The following NECAB1 variants were observed in gnomAD, a reference collection of about 807,000 sequenced individuals.
NECAB1 encodes the protein N-terminal EF-hand calcium-binding protein 1.
A neutral mutation model predicts 57.5 loss-of-function variants in NECAB1; 29 were observed. The observed-to-expected ratio is 0.50, with a 90% CI of 0.38 to 0.69. The LOEUF (loss-of-function observed/expected upper bound fraction) is 0.69. Among genes scored for constraint, NECAB1 ranks in the 30% least tolerant of loss-of-function variants. The pLI is 0.00. For synonymous variants in NECAB1, 142 were observed against 147.7 expected, an observed-to-expected ratio of 0.96 and a Z score of 0.28; for missense variants, 372 against 413.8, an observed-to-expected ratio of 0.90 and a Z score of 0.88.
chr8:90,869,328 C>A (rs988109339), intron 3 of NECAB1, among the ~76,000 whole-genome samples: 2 of 152,208 alleles, frequency 1.3e-5, no homozygotes, highest in Admixed American at 1.3e-4. Context: ...GCACTGCCTA[C>A]TAGAGTTGTG....
chr8:90,793,656 A>T (rs1008059411), intron 1 of NECAB1, among the ~76,000 whole-genome samples: 1 of 152,200 alleles, frequency 6.6e-6, no homozygotes, highest in Non-Finnish European at 1.5e-5. Context: ...TGAGGCTGAC[A>T]ATTAAGGGGC....
intron 8 of NECAB1, among the ~76,000 whole-genome samples, chr8:90,932,391 T>C (rs1259263611): frequency 1.3e-5 from 2 of 152,184 alleles, no homozygotes; most frequent in African/African-American, 4.8e-5. Flanking sequence ...AAGAATATCC[T>C]TGGTCTTTGA....
At chr8:90,928,105 G>A (rs950415672) in intron 7 of NECAB1, 118 bp from the exon 8 acceptor site, 1 of 738,524 alleles carries the variant, frequency 1.4e-6, no homozygotes, top group Non-Finnish European at 2.3e-6. Context: ...TTAAAAAAAT[G>A]ACCAGTCAGT....
chr8:90,845,836 G>T (rs1166015783), intron 3 of NECAB1, among the ~76,000 whole-genome samples: 1 of 151,898 alleles, frequency 6.6e-6, no homozygotes, highest in Non-Finnish European at 1.5e-5. Flanking sequence ...GTGAGGAATG[G>T]TTTTTGCTTT....
chr8:90,898,975 G>A (rs1809430296), intron 5 of NECAB1, among the ~76,000 whole-genome samples: 1 of 152,222 alleles, frequency 6.6e-6, no homozygotes, highest in South Asian at 2.1e-4. Flanking sequence ...AATGCCCTTG[G>A]AAGGTAAAGG....
At chr8:90,930,960 CTTTAT>C (rs1282626177) in intron 8 of NECAB1, among the ~76,000 whole-genome samples, 1 of 152,096 alleles carries the variant, frequency 6.6e-6, no homozygotes, top group Non-Finnish European at 1.5e-5. Flanking sequence ...ACAAAACTGT[CTTTAT>C]TTGGTATCTG....
At chr8:90,850,697 C>T (rs1274824291) in intron 3 of NECAB1, among the ~76,000 whole-genome samples, 1 of 152,172 alleles carries the variant, frequency 6.6e-6, no homozygotes, top group Non-Finnish European at 1.5e-5. Flanking sequence ...TATCTTCTTA[C>T]TGGGGTTCAA....
intron 5 of NECAB1, among the ~76,000 whole-genome samples, chr8:90,887,249 A>AT (rs975685795): frequency 2.6e-5 from 4 of 151,906 alleles, no homozygotes; most frequent in African/African-American, 7.2e-5. Flanking sequence ...ATCTTCTCCC[A>AT]TTTTTTTTAT....
Position 90,940,829 on chromosome 8 carries a change from A to G in NECAB1, c.791A>G (p.Asp264Gly). ...CGGCAGATGTCTGTGATAGAAGAGG[A>G]CCTGGAAGAATTCCAGCTCGCTCTG... is the stretch of plus-strand genomic sequence containing the variant. Reference protein sequence around the residue: ...VQRQMSVIEEDLEEFQLALKH... With the variant: ...VQRQMSVIEEGLEEFQLALKH... Residue 264 changes from aspartate (D) to glycine (G), a missense_variant, in exon 10 of 13, where the codon GAC becomes GGC. Physicochemically the swap from Asp to Gly is moderately conservative, Grantham distance 94 (BLOSUM62 -1). Coordinates refer to ENST00000417640, the MANE Select transcript of NECAB1 (RefSeq NM_022351.5). 1 of 1,564,704 alleles carries G rather than the reference A, an allele frequency of 6.4e-7. No homozygotes were observed. Among genetic ancestry groups the G allele is most frequent in the Non-Finnish European group, 8.7e-7 (1 of 1,154,160 alleles).
At chr8:90,945,086 T>C (rs972046151) in intron 10 of NECAB1, among the ~76,000 whole-genome samples, 5 of 151,762 alleles carry the variant, frequency 3.3e-5, no homozygotes, top group Non-Finnish European at 7.4e-5. Context: ...TTTTTTGAGA[T>C]GGAGTCTCGC....
At chr8:90,829,857 T>C (rs1299576398) in intron 3 of NECAB1, among the ~76,000 whole-genome samples, 1 of 152,090 alleles carries the variant, frequency 6.6e-6, no homozygotes. Context: ...GTTCAGAATA[T>C]GAATATTTTA....
chr8:90,890,011 T>C (rs1809119159), intron 5 of NECAB1, among the ~76,000 whole-genome samples: 1 of 152,172 alleles, frequency 6.6e-6, no homozygotes, highest in Admixed American at 6.5e-5. Context: ...AAAATCTTTA[T>C]CTGTTTTTTC....
rs1202163651 is a variant in NECAB1, at chr8:90,934,264, A to C, written c.694-40A>C. The C allele has an allele frequency of 7.1e-6, 10 of 1,407,418 alleles. No individual in the cohort carries two copies. The South Asian group carries it at 1.3e-4, about 18-fold the overall frequency. The allele number at this position is 1,407,418 out of a possible 1,614,324, so 87.2% of individuals were successfully genotyped here. A position where few individuals can be genotyped will look rare whatever the true frequency, so the allele number is the denominator to read the frequency against. On this transcript the variant is annotated intron_variant, in intron 8 of 12. Transcript: ENST00000417640. ...TATATGGCATTGTTTTAAATGATAT[A>C]ATTTTTTTTCTTTTCTGCCATTTCT...
chr8:90,947,637 G>C (rs1167272163), intron 10 of NECAB1, among the ~76,000 whole-genome samples: 1 of 152,152 alleles, frequency 6.6e-6, no homozygotes, highest in Non-Finnish European at 1.5e-5. Context: ...CTGACCTCAA[G>C]TGATCCGCCC....
chr8:90,824,784 A>C lies in NECAB1; in HGVS notation c.192A>C (p.Glu64Asp). 1 of 1,553,328 alleles carries C rather than the reference A, an allele frequency of 6.4e-7. No individual in the cohort carries two copies. The highest frequency in any genetic ancestry group is 8.7e-7 in the Non-Finnish European group (1 of 1,146,546). ...CAGATGGTGTTCTCAGTGGAGAAGA[A>C]TTACACGAGCTTTTCCATACCATTG... Reference protein sequence around the residue: ...YFADGVLSGEELHELFHTIDT... With the variant: ...YFADGVLSGEDLHELFHTIDT... The change falls in exon 3 of 13, where the codon GAA (glutamate) becomes GAC (aspartate). Residue 64 changes from glutamate to aspartate, a missense_variant. Coordinates refer to ENST00000417640, the MANE Select transcript of NECAB1 (RefSeq NM_022351.5).
chr8:90,880,255 T>C (rs1415201392), intron 4 of NECAB1, among the ~76,000 whole-genome samples: 1 of 152,082 alleles, frequency 6.6e-6, no homozygotes, highest in African/African-American at 2.4e-5. Context: ...CAAGGAAGGG[T>C]TCACAGGAAT....
At chr8:90,846,548 A>G (rs1563503603) in intron 3 of NECAB1, among the ~76,000 whole-genome samples, 1 of 152,248 alleles carries the variant, frequency 6.6e-6, no homozygotes. Context: ...GAGACTAGCT[A>G]TGACTGGTCT....
intron 5 of NECAB1, among the ~76,000 whole-genome samples, chr8:90,897,365 A>C (rs1269525932): frequency 2.0e-5 from 3 of 152,226 alleles, no homozygotes; most frequent in Non-Finnish European, 4.4e-5. Flanking sequence ...TTTGCTGCAA[A>C]ACTACCAATA....
chr8:90,818,866 A>G (rs1444832842), intron 2 of NECAB1, among the ~76,000 whole-genome samples: 7 of 151,956 alleles, frequency 4.6e-5, no homozygotes, highest in Admixed American at 4.6e-4. Flanking sequence ...TATTCCAATT[A>G]CATGTAACAC....
Sources: allele counts gnomAD v4.1 joint callset (sites outside exome capture counted in the v4.1 genomes callset), GRCh38; gene constraint gnomAD v4.1.1; transcripts MANE v1.5; gene names NCBI Gene and HGNC (gene_info 2026-07-23, HGNC 2026-07-21).